The following BCAS3 variants were observed in gnomAD, a reference collection of about 807,000 sequenced individuals.
BCAS3 encodes BCAS4/BCAS3 fusion.
Under a neutral mutation model 116.1 loss-of-function variants are expected in BCAS3, and 53 were observed. The ratio of observed to expected loss-of-function variants is 0.46; its 90% CI spans 0.37 to 0.57. BCAS3 has a LOEUF of 0.57. Among genes scored for constraint, BCAS3 ranks in the 20% least tolerant of loss-of-function variants. The pLI, the probability that BCAS3 is intolerant of heterozygous loss-of-function variation, is 0.00. For synonymous variants in BCAS3, 391 were observed against 408.2 expected, an observed-to-expected ratio of 0.96 and a Z score of 0.51; for missense variants, 917 against 1,165.4, an observed-to-expected ratio of 0.79 and a Z score of 3.10.
rs548412029 is a variant in BCAS3 at position 61,041,825 on chromosome 17, C to T, written c.2029+933C>T. Among the ~76,000 whole-genome samples, 1 of 152,088 alleles carries T rather than the reference C, an allele frequency of 6.6e-6. No individual in the cohort carries two copies. Among genetic ancestry groups the T allele is most frequent in the South Asian group, 2.1e-4 (1 of 4,812 alleles). On this transcript the variant is annotated intron_variant, in intron 19 of 23. Transcript: ENST00000407086. This position sits in a 1 kb window ranked among gnomAD's most constrained non-coding sequence, Gnocchi z 4.7. ...TCAATAGTTGGCAGTCTTGCTCTCT[C>T]ATATTATTGTTGAACTCTCTGCTTT...
rs1054193914 is a variant in BCAS3, at chr17:61,313,244, C to T, written c.2426-55083C>T. 6.6e-6 allele frequency among the ~76,000 whole-genome samples: 1 copy of T among 152,234 alleles called. No homozygotes were observed. Among genetic ancestry groups the T allele is most frequent in the Admixed American group, 6.5e-5 (1 of 15,286 alleles). On this transcript the variant is annotated intron_variant, in intron 22 of 23. Coordinates refer to ENST00000407086, the MANE Select transcript of BCAS3 (RefSeq NM_017679.5). The surrounding 1 kb of genome is among the most constrained non-coding windows in gnomAD (Gnocchi z 4.3). ...CTAAGGTTCAAAGAACCAATACTTT[C>T]TCAATGCCATATAACTGGTAAAGGG...
chr17:60,682,813 C>CGTGG (rs1436678241), intron 2 of BCAS3, among the ~76,000 whole-genome samples: 2 of 152,292 alleles, frequency 1.3e-5, no homozygotes, highest in Non-Finnish European at 2.9e-5. Context: ...TGAGCTACCA[C>CGTGG]GCCTGGCCTA....
At chr17:60,705,595 A>G (rs975525211) in intron 4 of BCAS3, among the ~76,000 whole-genome samples, 5 of 152,082 alleles carry the variant, frequency 3.3e-5, no homozygotes, top group Non-Finnish European at 7.4e-5. Context: ...GCATTTCAAG[A>G]TATCTGTTTT....
At chr17:61,035,434 T>G (rs188850163) in intron 17 of BCAS3, among the ~76,000 whole-genome samples, 1 of 151,862 alleles carries the variant, frequency 6.6e-6, no homozygotes, top group African/African-American at 2.4e-5. Context: ...AATACAAAAA[T>G]TAGCTGGGCG....
At position 61,228,554 on chromosome 17, in the gene BCAS3, T is replaced by G. The variant is rs1025104764; in HGVS notation, c.2426-139773T>G. ...AGCATGTGCTCACTTCGTGTCTCTG[T>G]GTCATACTATGGTAATTGTCACCAG... On this transcript the variant is annotated intron_variant, in intron 22 of 23. Transcript: ENST00000407086. This position sits in a 1 kb window ranked among gnomAD's most constrained non-coding sequence, Gnocchi z 5.0. Among the ~76,000 whole-genome samples the G allele has an allele frequency of 3.9e-5, 6 of 152,258 alleles. No homozygotes were observed. The highest frequency in any genetic ancestry group is 1.4e-4 in the African/African-American group (6 of 41,468).
chr17:61,247,607 G>A (rs1339815492), intron 22 of BCAS3, among the ~76,000 whole-genome samples: 1 of 152,164 alleles, frequency 6.6e-6, no homozygotes, highest in African/African-American at 2.4e-5. Context: ...ACCAGCAAGA[G>A]CAGCATTGAC....
At chr17:60,819,967 A>C (rs1291542362) in intron 7 of BCAS3, among the ~76,000 whole-genome samples, 1 of 151,932 alleles carries the variant, frequency 6.6e-6, no homozygotes, top group Non-Finnish European at 1.5e-5. Context: ...CCCTTAGTAA[A>C]GCCTGCAGAG....
intron 22 of BCAS3, among the ~76,000 whole-genome samples, chr17:61,294,050 A>C (rs2052675473): frequency 6.6e-6 from 1 of 152,248 alleles, no homozygotes; most frequent in African/African-American, 2.4e-5. Flanking sequence ...GGCGTGAGCC[A>C]CAGCATCATT....
In BCAS3 at chr17:60,918,940, G is replaced by A. The variant is rs186653501; in HGVS notation, c.994-5467G>A. On this transcript the variant is annotated intron_variant, in intron 12 of 23. Transcript: ENST00000407086. ...GATCTCCTGACCTCGTGATCCACCC[G>A]CCTCAGCCTCCCAAAGTGCTGGGAT... 1.4e-4 allele frequency among the ~76,000 whole-genome samples: 21 copies of A among 152,152 alleles called. No individual in the cohort carries two copies. The South Asian group carries it at 2.1e-3, about 15-fold the overall frequency.
At chr17:60,879,012 A>G (rs2055874085) in intron 9 of BCAS3, among the ~76,000 whole-genome samples, 2 of 152,138 alleles carry the variant, frequency 1.3e-5, no homozygotes, top group South Asian at 2.1e-4. Context: ...AACTTTTGTC[A>G]GGTGAATCCC....
chr17:61,125,645 C>CA (rs2076012484), intron 22 of BCAS3, among the ~76,000 whole-genome samples: 1 of 152,136 alleles, frequency 6.6e-6, no homozygotes. Context: ...TGCTCACCAA[C>CA]AGAGTACTTT....
intron 22 of BCAS3, among the ~76,000 whole-genome samples, chr17:61,262,115 A>G (rs2049256135): frequency 6.6e-6 from 1 of 152,232 alleles, no homozygotes; most frequent in Non-Finnish European, 1.5e-5. Flanking sequence ...TTCAAAGACA[A>G]TCCAGAAGAA....
intron 7 of BCAS3, chr17:60,810,398 A>G: frequency 2.1e-6 from 1 of 485,504 alleles, no homozygotes; most frequent in Non-Finnish European, 3.9e-6. Context: ...AGAGGCATCC[A>G]GAATGAGAAA....
rs185962858 is a variant in BCAS3 at position 61,171,842 on chromosome 17, G to A, written c.2425+87278G>A. Among the ~76,000 whole-genome samples the A allele has an allele frequency of 1.0e-3, 156 of 150,004 alleles. 1 individual carries two copies. The highest frequency in any genetic ancestry group is 1.7e-3 in the Non-Finnish European group (112 of 67,550). ...GAAATGGAGTCTCACTGTGTTGTTCGGGCTGTTCTTGAACTTCTGGAATTA... is the reference window on the plus strand; with the variant it reads ...GAAATGGAGTCTCACTGTGTTGTTCAGGCTGTTCTTGAACTTCTGGAATTA... On this transcript the variant is annotated intron_variant, in intron 22 of 23. Coordinates refer to ENST00000407086, the MANE Select transcript of BCAS3 (RefSeq NM_017679.5). The surrounding 1 kb of genome is among the most constrained non-coding windows in gnomAD (Gnocchi z 4.1).
chr17:60,924,686 C>T (rs1443352), intron 13 of BCAS3, among the ~76,000 whole-genome samples, 186 bp downstream of exon 13: 1,919 of 152,010 alleles, frequency 0.013, 41 homozygotes, highest in African/African-American at 0.045. Flanking sequence ...TCTAAAATCC[C>T]TCTAAAATTG....
chr17:61,044,466 AT>A (rs372106860), intron 19 of BCAS3, among the ~76,000 whole-genome samples: 1,911 of 101,470 alleles, frequency 0.019, 37 homozygotes, highest in African/African-American at 0.067. Flanking sequence ...AAAAAAAAAA[AT>A]ATATATATAT....
At chr17:61,273,301 G>A (rs1464907752) in intron 22 of BCAS3, among the ~76,000 whole-genome samples, 1 of 151,470 alleles carries the variant, frequency 6.6e-6, no homozygotes, top group African/African-American at 2.4e-5. Flanking sequence ...GTAGAGATGG[G>A]GTTTTGCCAT....
In BCAS3 at chr17:61,218,861, G is replaced by T. The variant is rs558911595; in HGVS notation, c.2425+134297G>T. Among the ~76,000 whole-genome samples the T allele has an allele frequency of 7.2e-5, 11 of 152,300 alleles. No individual in the cohort carries two copies. The South Asian group carries it at 2.3e-3, about 32-fold the overall frequency. On this transcript the variant is annotated intron_variant, in intron 22 of 23. Transcript: ENST00000407086. ...CACCCAAAAGTGTACCAGTTTGGAT[G>T]ATAGTCACCTTATTTATCACCCTAC...
At chr17:61,146,106 G>GT (rs1293114440) in intron 22 of BCAS3, among the ~76,000 whole-genome samples, 351 of 29,904 alleles carry the variant, frequency 0.012, 2 homozygotes, top group South Asian at 0.035. Context: ...TTACTTACTG[G>GT]TTTTTTGTTT....
Sources: allele counts gnomAD v4.1 joint callset (sites outside exome capture counted in the v4.1 genomes callset), GRCh38; gene constraint gnomAD v4.1.1; non-coding constraint Gnocchi (gnomAD v3.1); transcripts MANE v1.5; gene names NCBI Gene and HGNC (gene_info 2026-07-23, HGNC 2026-07-21).